The following MYO18B variants were observed in gnomAD, a reference collection of about 807,000 sequenced individuals.
MYO18B encodes unconventional myosin-XVIIIb.
A neutral mutation model predicts 273.0 loss-of-function variants in MYO18B; 204 were observed. The ratio of observed to expected loss-of-function variants is 0.75; its 90% CI spans 0.67 to 0.84. The LOEUF is 0.84. Among genes scored for constraint, MYO18B ranks in the 40% least tolerant of loss-of-function variants. The pLI is 0.00. For synonymous variants in MYO18B, 1,330 were observed against 1,305.7 expected (o/e 1.02, Z -0.40); for missense variants, 3,212 against 3,287.6 (o/e 0.98, Z 0.56).
chr22:25,781,696 CA>C (rs1245398933), intron 9 of MYO18B, 37 bp from the exon 10 acceptor site: 1 of 1,427,958 alleles, frequency 7.0e-7, no homozygotes. Flanking sequence ...CAGATGTACC[CA>C]AAGCACTGAC....
In MYO18B at chr22:25,876,086, C is replaced by T. The variant is rs181784825; in HGVS notation, c.4081-103C>T. On this transcript the variant is annotated intron_variant, in intron 23 of 43. Coordinates refer to ENST00000335473, the MANE Select transcript of MYO18B (RefSeq NM_032608.7). ...TCCAGTCCCTTCCACCGGGAAATAA[C>T]CCCACTTCCTCCAGCCCCTTTGCTA... is the stretch of plus-strand genomic sequence containing the variant. 262 of 1,140,830 alleles carry T rather than the reference C, an allele frequency of 2.3e-4. 2 individuals are homozygous for T. In the East Asian group the frequency reaches 7.0e-3, roughly 30 times the overall value. 70.7% of individuals were successfully genotyped at this position (1,140,830 alleles called of 1,614,324 possible). A position where few individuals can be genotyped will look rare whatever the true frequency, so the allele number is the denominator to read the frequency against.
intron 33 of MYO18B, among the ~76,000 whole-genome samples, chr22:25,917,545 G>GGGGTGTGTGTGTGT (rs1555944183): frequency 7.0e-5 from 10 of 142,152 alleles, no homozygotes; most frequent in Non-Finnish European, 1.2e-4. Context: ...GCTTTGTAGG[G>GGGGTGTGTGTGTGT]GTGTGTGTGT....
chr22:25,992,214 G>A (rs148574567), intron 39 of MYO18B, 149 bp from the exon 40 acceptor site: 93 of 884,300 alleles, frequency 1.1e-4, no homozygotes, highest in Non-Finnish European at 1.4e-4. Flanking sequence ...AAATCTGTCC[G>A]CAGAGAGAGC....
At chr22:25,805,217 T>C (rs1215926945) in intron 12 of MYO18B, among the ~76,000 whole-genome samples, 4 of 152,162 alleles carry the variant, frequency 2.6e-5, no homozygotes, top group Admixed American at 6.5e-5. Flanking sequence ...GATAAACTCA[T>C]CTGCATTCTG....
intron 40 of MYO18B, among the ~76,000 whole-genome samples, chr22:25,995,113 G>A (rs1933091571): frequency 6.6e-6 from 1 of 152,186 alleles, no homozygotes; most frequent in South Asian, 2.1e-4. Flanking sequence ...CCATAAAAAA[G>A]AATGAGATTC....
chr22:25,850,580 A>T (rs1042740909), intron 20 of MYO18B, among the ~76,000 whole-genome samples: 4 of 151,726 alleles, frequency 2.6e-5, no homozygotes, highest in South Asian at 2.1e-4. Flanking sequence ...CTATAAAATA[A>T]TTTTTTTTCT....
chr22:25,986,489 G>A (rs535896445), intron 39 of MYO18B, among the ~76,000 whole-genome samples: 20 of 152,154 alleles, frequency 1.3e-4, no homozygotes, highest in Admixed American at 3.3e-4. Flanking sequence ...TATAGTACTT[G>A]ACTCTGAGGG....
At chr22:25,778,926 C>T (rs1236208812) in intron 8 of MYO18B, among the ~76,000 whole-genome samples, 1 of 152,122 alleles carries the variant, frequency 6.6e-6, no homozygotes, top group Non-Finnish European at 1.5e-5. Context: ...ACTCCTAGCG[C>T]TGAGATTCAA....
Position 25,992,611 on chromosome 22 carries a change from G to T in MYO18B, c.6287+118G>T, listed in dbSNP as rs2093282017. 3.0e-6 allele frequency: 4 copies of T among 1,340,930 alleles called. No homozygotes were observed. The Admixed American group carries it at 5.9e-5, about 20-fold the overall frequency. 83.1% of individuals were successfully genotyped at this position (1,340,930 alleles called of 1,614,324 possible). ...ACTGGGAAACCCAAAGATGTTCGGG[G>T]GCTGGAGGCACCCCTCGTTTACTTG... On this transcript the variant is annotated intron_variant, in intron 40 of 43. Coordinates refer to ENST00000335473, the MANE Select transcript of MYO18B (RefSeq NM_032608.7).
chr22:25,869,469 AAAAAGAAGGAAGG>A (rs2090987206), intron 22 of MYO18B, among the ~76,000 whole-genome samples: 1 of 144,040 alleles, frequency 6.9e-6, no homozygotes, highest in Non-Finnish European at 1.5e-5. Flanking sequence ...AAAAAAAAAA[AAAAAGAAGGAAGG>A]AAGGAAGGAA....
intron 21 of MYO18B, among the ~76,000 whole-genome samples, chr22:25,861,631 A>G (rs898784314): frequency 6.6e-6 from 1 of 152,140 alleles, no homozygotes; most frequent in African/African-American, 2.4e-5. Flanking sequence ...AAGGTGTTCA[A>G]TATATTGATC....
At chr22:25,926,480 T>A (rs1215085431) in intron 34 of MYO18B, among the ~76,000 whole-genome samples, 1 of 152,088 alleles carries the variant, frequency 6.6e-6, no homozygotes, top group Non-Finnish European at 1.5e-5. Flanking sequence ...AGATGGGGTT[T>A]CACCATCTTG....
intron 32 of MYO18B, among the ~76,000 whole-genome samples, chr22:25,910,509 A>G (rs1451378869): frequency 6.6e-6 from 1 of 151,834 alleles, no homozygotes; most frequent in African/African-American, 2.4e-5. Context: ...AGTTTATAAC[A>G]CCAAAAAATC....
the MYO18B span, among the ~76,000 whole-genome samples, chr22:26,048,387 A>G: frequency 1.3e-5 from 2 of 152,220 alleles, no homozygotes; most frequent in African/African-American, 4.8e-5. Flanking sequence ...CTTTAGATTT[A>G]CAAATAGTGC....
At chr22:25,806,622 C>G (rs2088492500) in intron 12 of MYO18B, among the ~76,000 whole-genome samples, 1 of 152,252 alleles carries the variant, frequency 6.6e-6, no homozygotes, top group Non-Finnish European at 1.5e-5. Context: ...TTCGCCAAGG[C>G]TCATGGCTCA....
At chr22:25,810,239 A>G (rs1228195649) in intron 12 of MYO18B, among the ~76,000 whole-genome samples, 1 of 151,090 alleles carries the variant, frequency 6.6e-6, no homozygotes, top group Non-Finnish European at 1.5e-5. Context: ...CTGGGACTAC[A>G]GGCGCCCACC....
intron 39 of MYO18B, among the ~76,000 whole-genome samples, chr22:25,986,957 G>A (rs962479548): frequency 2.6e-5 from 4 of 152,124 alleles, no homozygotes; most frequent in Non-Finnish European, 4.4e-5. Flanking sequence ...ACCAGGCTCT[G>A]TAACATTTTC....
chr22:25,866,639 G>A (rs1050775647), intron 21 of MYO18B, among the ~76,000 whole-genome samples: 1 of 151,952 alleles, frequency 6.6e-6, no homozygotes, highest in South Asian at 2.1e-4. Context: ...AAGAGATGGA[G>A]ACCATCCTGG....
intron 7 of MYO18B, among the ~76,000 whole-genome samples, chr22:25,774,607 C>T (rs2086847441): frequency 6.6e-6 from 1 of 152,222 alleles, no homozygotes; most frequent in African/African-American, 2.4e-5. Flanking sequence ...ACCCTTCCCT[C>T]AAGTCTTCCA....
Sources: allele counts gnomAD v4.1 joint callset (sites outside exome capture counted in the v4.1 genomes callset), GRCh38; gene constraint gnomAD v4.1.1; transcripts MANE v1.5; gene names NCBI Gene and HGNC (gene_info 2026-07-23, HGNC 2026-07-21).